The following GASK1A variants were observed in gnomAD, a reference collection of about 807,000 sequenced individuals.
The protein encoded by GASK1A is Golgi-associated kinase 1A.
Under a neutral mutation model 41.2 loss-of-function variants are expected in GASK1A, and 40 were observed. The ratio of observed to expected loss-of-function variants is 0.97; its 90% CI spans 0.75 to 1.27. The LOEUF (loss-of-function observed/expected upper bound fraction) is 1.27, where lower values mean the gene tolerates loss of function less well. Among genes scored for constraint, GASK1A ranks in the 50% most tolerant of loss-of-function variants. The pLI is 0.00. For synonymous variants in GASK1A, 316 were observed against 307.1 expected (o/e 1.03, Z -0.30); for missense variants, 678 against 745.1 (o/e 0.91, Z 1.05).
chr3:43,015,711 T>G (rs1575442255), intron 1 of GASK1A, among the ~76,000 whole-genome samples: 10 of 108,614 alleles, frequency 9.2e-5, no homozygotes, highest in African/African-American at 1.9e-4. Flanking sequence ...GGCAGGGAGG[T>G]GCTGTGTGAG....
At chr3:43,025,538 T>G (rs1320614016) in intron 1 of GASK1A, among the ~76,000 whole-genome samples, 1 of 152,212 alleles carries the variant, frequency 6.6e-6, no homozygotes, top group Admixed American at 6.5e-5. Flanking sequence ...CCTCACTTCC[T>G]GGTCCATGTC....
chr3:43,032,171 A>G, intron 1 of GASK1A, 96 bp from the exon 2 acceptor site: 1 of 990,040 alleles, frequency 1.0e-6, no homozygotes, highest in Non-Finnish European at 1.5e-6. Context: ...TCTCTCATGA[A>G]CTGAGCACCT....
At chr3:43,036,739 G>T (rs1429240350) in intron 2 of GASK1A, among the ~76,000 whole-genome samples, 1 of 152,156 alleles carries the variant, frequency 6.6e-6, no homozygotes, top group Non-Finnish European at 1.5e-5. Context: ...CTGCCTGTGG[G>T]GAGAAGAGAC....
chr3:43,037,398 C>G, intron 2 of GASK1A: 1 of 955,026 alleles, frequency 1.0e-6, no homozygotes, highest in Non-Finnish European at 1.7e-6. Context: ...TACAGACAGC[C>G]CTTGCCACAC....
In GASK1A at chr3:43,056,172, C is replaced by T; in HGVS notation, c.1518-4C>T. On this transcript the variant is annotated splice_polypyrimidine_tract_variant and splice_region_variant and intron_variant, in intron 4 of 4. Transcript: ENST00000430121. ...GTTACGGGGCTCTGGGGCCTTTGCT[C>T]CAGGTTTCCTGAGTCTGCCGTGAAG... 4 of 1,548,122 alleles carry T rather than the reference C, an allele frequency of 2.6e-6. No homozygotes were observed. The highest frequency in any genetic ancestry group is 1.4e-5 in the African/African-American group (1 of 73,048).
rs1223807989 is a variant in GASK1A, at chr3:43,032,621, A to G, written c.358A>G (p.Arg120Gly). The G allele has an allele frequency of 2.6e-6, 4 of 1,551,692 alleles. No homozygotes were observed. The highest frequency in any genetic ancestry group is 3.5e-6 in the Non-Finnish European group (4 of 1,146,962). ...CCTCAGGCATCCAGGGAGGGTGAGG[A>G]GGGACATTACTTTGTCAGGACATCC... ...GDLRHPGRVR[R>G]DITLSGHPRL... Residue 120 changes from arginine to glycine, a missense_variant, in exon 2 of 5, where the codon AGG (arginine) becomes GGG (glycine). By Grantham distance (125) the Arg-to-Gly change is moderately radical. Coordinates refer to ENST00000430121, the MANE Select transcript of GASK1A (RefSeq NM_001129908.3).
At chr3:43,041,534 T>C (rs1004858188) in intron 2 of GASK1A, among the ~76,000 whole-genome samples, 2 of 152,252 alleles carry the variant, frequency 1.3e-5, no homozygotes, top group South Asian at 2.1e-4. Context: ...TTTTGAGAAA[T>C]GTCTAGGGAT....
chr3:42,991,662 C>G (rs2125674055), intron 1 of GASK1A, among the ~76,000 whole-genome samples: 1 of 152,314 alleles, frequency 6.6e-6, no homozygotes, highest in African/African-American at 2.4e-5. Context: ...TGCCTGGGCC[C>G]AGCGGAGGTG....
At chr3:42,982,346 G>A (rs1161824022) in intron 1 of GASK1A, among the ~76,000 whole-genome samples, 1 of 152,120 alleles carries the variant, frequency 6.6e-6, no homozygotes, top group Non-Finnish European at 1.5e-5. Context: ...ATTAAAAAAT[G>A]TTTTCCTCCT....
chr3:43,033,916 C>A (rs1316488265), intron 2 of GASK1A, among the ~76,000 whole-genome samples: 1 of 152,198 alleles, frequency 6.6e-6, no homozygotes, highest in Non-Finnish European at 1.5e-5. Context: ...TGTGCTTTTG[C>A]AGCTTCGTGA....
intron 1 of GASK1A, among the ~76,000 whole-genome samples, chr3:42,997,229 G>A (rs1317487670): frequency 6.6e-6 from 1 of 152,232 alleles, no homozygotes; most frequent in African/African-American, 2.4e-5. Context: ...CAGAGAGTCA[G>A]AGGAACATAG....
chr3:43,019,286 G>A (rs1335871527), intron 1 of GASK1A, among the ~76,000 whole-genome samples: 1 of 152,188 alleles, frequency 6.6e-6, no homozygotes, highest in East Asian at 1.9e-4. Context: ...CTGGCCTGGT[G>A]GTAGCTTTGG....
At position 42,984,054 on chromosome 3, in the gene GASK1A, A is replaced by G. The variant is rs548364485; in HGVS notation, c.3+4409A>G. 1.4e-3 allele frequency among the ~76,000 whole-genome samples: 217 copies of G among 152,230 alleles called. No homozygotes were observed. The highest frequency in any genetic ancestry group is 2.6e-3 in the Non-Finnish European group (180 of 68,026). On this transcript the variant is annotated intron_variant, in intron 1 of 4. Transcript: ENST00000430121. This position sits in a 1 kb window ranked among gnomAD's most constrained non-coding sequence, Gnocchi z 4.2. Reference sequence around the variant, plus strand: ...AGGTACTAGTAGAGACACAGAGTGCATCAGTTTTCTTTGAGGCATGGTTGC... The same window carrying G: ...AGGTACTAGTAGAGACACAGAGTGCGTCAGTTTTCTTTGAGGCATGGTTGC...
At chr3:42,979,677 A>T in intron 1 of GASK1A, 32 bp downstream of exon 1, 1 of 1,245,774 alleles carries the variant, frequency 8.0e-7, no homozygotes, top group Non-Finnish European at 1.0e-6. Flanking sequence ...GCGCGAGCGG[A>T]GGGTGGGGCG....
At chr3:43,050,749 A>G (rs924199752) in intron 2 of GASK1A, among the ~76,000 whole-genome samples, 2 of 151,750 alleles carry the variant, frequency 1.3e-5, no homozygotes, top group African/African-American at 2.4e-5. Flanking sequence ...CAGTGGACCT[A>G]TCTTCAGGTT....
At chr3:43,005,548 C>T (rs748367459) in intron 1 of GASK1A, among the ~76,000 whole-genome samples, 11 of 152,250 alleles carry the variant, frequency 7.2e-5, no homozygotes, top group Admixed American at 2.0e-4. Context: ...TATTGGAGTA[C>T]TGCATTGCCC....
At chr3:43,036,964 G>A (rs2089607819) in intron 2 of GASK1A, among the ~76,000 whole-genome samples, 1 of 152,228 alleles carries the variant, frequency 6.6e-6, no homozygotes, top group African/African-American at 2.4e-5. Context: ...AATCATAGAT[G>A]TGTTCTTTTA....
At chr3:42,992,723 T>C (rs2089347676) in intron 1 of GASK1A, among the ~76,000 whole-genome samples, 1 of 152,174 alleles carries the variant, frequency 6.6e-6, no homozygotes, top group African/African-American at 2.4e-5. Context: ...GAGTTGTTGA[T>C]CTGGGGTCCA....
chr3:43,037,179 A>G (rs1325235726), intron 2 of GASK1A: 2 of 1,126,072 alleles, frequency 1.8e-6, no homozygotes, highest in African/African-American at 1.5e-5. Context: ...AGAAGTGGCC[A>G]AAGAACCTAA....
Sources: allele counts gnomAD v4.1 joint callset (sites outside exome capture counted in the v4.1 genomes callset), GRCh38; gene constraint gnomAD v4.1.1; non-coding constraint Gnocchi (gnomAD v3.1); transcripts MANE v1.5; gene names NCBI Gene and HGNC (gene_info 2026-07-23, HGNC 2026-07-21).